CSMD1: variants seen among roughly 807,000 people sequenced by gnomAD.
CSMD1 encodes the protein CUB and sushi domain-containing protein 1.
In CSMD1, 213 loss-of-function variants were observed where a neutral mutation model predicts 417.5. The ratio of observed to expected loss-of-function variants is 0.51; its 90% confidence interval spans 0.46 to 0.57. The LOEUF (loss-of-function observed/expected upper bound fraction) is 0.57. Among genes scored for constraint, CSMD1 ranks in the 20% least tolerant of loss-of-function variants. CSMD1 has a pLI of 0.00. For synonymous variants in CSMD1, 2,862 were observed against 1,736.8 expected (o/e 1.65, Z -16.11); for missense variants, 6,923 against 4,529.7 (o/e 1.53, Z -15.17).
At chr8:4,205,079 A>G (rs11779968) in intron 3 of CSMD1, among the ~76,000 whole-genome samples, 1 of 152,178 alleles carries the variant, frequency 6.6e-6, no homozygotes, top group Non-Finnish European at 1.5e-5. Context: ...AGTTTACTGT[A>G]AACATCAAAT....
intron 3 of CSMD1, among the ~76,000 whole-genome samples, chr8:4,403,361 C>T (rs185738575): frequency 6.6e-6 from 1 of 152,260 alleles, no homozygotes; most frequent in African/African-American, 2.4e-5. Context: ...ATAAGGAAGT[C>T]TCTACTTGAC....
At position 3,773,417 on chromosome 8, in the gene CSMD1, G is replaced by C. The variant is rs148960677; in HGVS notation, c.819-19375C>G. 3.3e-5 allele frequency among the ~76,000 whole-genome samples: 5 copies of C among 152,240 alleles called. No homozygotes were observed. In the East Asian group the frequency reaches 5.8e-4, roughly 18 times the overall value. ...TTCTCCCACCTCAGCCTCCAGAGTAGCTGGGACGACAGTCATGCACCACTA... is the reference window on the plus strand; with the variant it reads ...TTCTCCCACCTCAGCCTCCAGAGTACCTGGGACGACAGTCATGCACCACTA... On this transcript the variant is annotated intron_variant, in intron 5 of 69. Coordinates refer to ENST00000635120, the MANE Select transcript of CSMD1 (RefSeq NM_033225.6).
intron 3 of CSMD1, among the ~76,000 whole-genome samples, chr8:4,165,120 G>A (rs1797380762): frequency 6.6e-6 from 1 of 152,106 alleles, no homozygotes; most frequent in South Asian, 2.1e-4. Flanking sequence ...ATGTGCTGGT[G>A]CATGCATGAC....
intron 26 of CSMD1, among the ~76,000 whole-genome samples, chr8:3,255,300 A>G (rs1270700579): frequency 6.6e-6 from 1 of 152,024 alleles, no homozygotes; most frequent in Non-Finnish European, 1.5e-5. Flanking sequence ...CATCCCAGTT[A>G]GGCTTCTCGG....
chr8:3,089,300 A>G (rs1161754343), intron 48 of CSMD1, among the ~76,000 whole-genome samples: 1 of 152,224 alleles, frequency 6.6e-6, no homozygotes, highest in Non-Finnish European at 1.5e-5. Flanking sequence ...TGAATGCCAA[A>G]CCAGTCTGTA....
intron 5 of CSMD1, among the ~76,000 whole-genome samples, chr8:3,800,248 G>A (rs527799535): frequency 9.1e-4 from 139 of 152,150 alleles, no homozygotes; most frequent in Non-Finnish European, 9.6e-4. Flanking sequence ...TCCTTTATTG[G>A]AATAACATTA....
intron 5 of CSMD1, among the ~76,000 whole-genome samples, chr8:3,984,569 G>A (rs978373226): frequency 1.3e-5 from 2 of 151,082 alleles, no homozygotes. Context: ...TATATATATA[G>A]CCAAGTACAA....
At chr8:3,776,695 G>C (rs1391210028) in intron 5 of CSMD1, among the ~76,000 whole-genome samples, 3 of 151,928 alleles carry the variant, frequency 2.0e-5, no homozygotes, top group African/African-American at 7.3e-5. Context: ...ATTTCATACA[G>C]ATGGCTACCT....
intron 1 of CSMD1, among the ~76,000 whole-genome samples, chr8:4,922,663 T>C (rs56869321): frequency 0.14 from 21,421 of 152,152 alleles, 2,500 homozygotes; most frequent in African/African-American, 0.32. Flanking sequence ...TGGTGCAGCC[T>C]GGGAAATTTC....
chr8:3,706,574 T>G (rs531406337), intron 7 of CSMD1, among the ~76,000 whole-genome samples: 11 of 152,176 alleles, frequency 7.2e-5, no homozygotes, highest in Non-Finnish European at 1.5e-4. Context: ...TGTGTTCAGA[T>G]GAGGACAGAA....
intron 5 of CSMD1, among the ~76,000 whole-genome samples, chr8:3,932,505 C>G (rs906138741): frequency 3.3e-5 from 5 of 150,464 alleles, no homozygotes; most frequent in African/African-American, 1.2e-4. Flanking sequence ...CTAGGGAAAG[C>G]AGCAGATGTT....
chr8:4,599,876 CAA>C (rs1800492042), intron 2 of CSMD1, among the ~76,000 whole-genome samples: 1 of 152,168 alleles, frequency 6.6e-6, no homozygotes, highest in South Asian at 2.1e-4. Flanking sequence ...AAGTTACATT[CAA>C]AGAGTTTTTT....
At chr8:3,548,688 A>ACACACACG (rs1798781366) in intron 10 of CSMD1, among the ~76,000 whole-genome samples, 1 of 149,730 alleles carries the variant, frequency 6.7e-6, no homozygotes, top group African/African-American at 2.4e-5. Flanking sequence ...ACACACACAC[A>ACACACACG]CACACACACA....
At chr8:3,845,097 A>T (rs1803410133) in intron 5 of CSMD1, among the ~76,000 whole-genome samples, 1 of 152,254 alleles carries the variant, frequency 6.6e-6, no homozygotes, top group Non-Finnish European at 1.5e-5. Context: ...ACATATATTT[A>T]GAAGCAAGAA....
At chr8:3,286,423 A>G (rs1803163021) in intron 25 of CSMD1, among the ~76,000 whole-genome samples, 2 of 152,084 alleles carry the variant, frequency 1.3e-5, no homozygotes, top group African/African-American at 2.4e-5. Context: ...CAATGGTTGA[A>G]CTAGTTTACA....
chr8:3,902,181 G>C (rs771350845), intron 5 of CSMD1, among the ~76,000 whole-genome samples: 13 of 152,058 alleles, frequency 8.5e-5, no homozygotes, highest in Non-Finnish European at 1.8e-4. Context: ...TAATAAAATG[G>C]AGAATCTCAC....
At chr8:3,353,733 G>C (rs1448315127) in intron 21 of CSMD1, among the ~76,000 whole-genome samples, 1 of 149,758 alleles carries the variant, frequency 6.7e-6, no homozygotes, top group Non-Finnish European at 1.5e-5. Context: ...TTTTTCAATA[G>C]TCTATTTAAT....
chr8:4,347,261 G>C (rs1800825355), intron 3 of CSMD1, among the ~76,000 whole-genome samples: 2 of 152,048 alleles, frequency 1.3e-5, no homozygotes, highest in South Asian at 2.1e-4. Flanking sequence ...TCCACGATTT[G>C]GGGTAATCTC....
intron 17 of CSMD1, among the ~76,000 whole-genome samples, chr8:3,394,807 C>G (rs140076197): frequency 6.6e-6 from 1 of 152,114 alleles, no homozygotes; most frequent in East Asian, 1.9e-4. Context: ...CTTTAAGTTT[C>G]AAAATACGTT....
Sources: allele counts gnomAD v4.1 joint callset (sites outside exome capture counted in the v4.1 genomes callset), GRCh38; gene constraint gnomAD v4.1.1; transcripts MANE v1.5; gene names NCBI Gene and HGNC (gene_info 2026-07-23, HGNC 2026-07-21).